The following RBBP5 variants were observed in gnomAD, a reference collection of about 807,000 sequenced individuals.
The protein encoded by RBBP5 is RB binding protein 5, histone lysine methyltransferase complex subunit, also known as retinoblastoma-binding protein 5.
A neutral mutation model predicts 72.2 loss-of-function variants in RBBP5; 5 were observed. That is an observed-to-expected ratio of 0.07 (90% CI 0.04 to 0.15). RBBP5 has a LOEUF of 0.15. Among genes scored for constraint, RBBP5 ranks in the 10% least tolerant of loss-of-function variants. RBBP5 has a pLI of 1.00. For missense variants in RBBP5, 322 were observed against 652.2 expected (o/e 0.49, Z 5.51); for synonymous variants, 209 against 237.2 (o/e 0.88, Z 1.09).
At chr1:205,115,652 A>G in intron 2 of RBBP5, among the ~76,000 whole-genome samples, 1 of 152,250 alleles carries the variant, frequency 6.6e-6, no homozygotes, top group South Asian at 2.1e-4. Flanking sequence ...CTGTAAGATT[A>G]CAACATCATG....
At chr1:205,101,103 C>A (rs1655802892) in intron 6 of RBBP5, among the ~76,000 whole-genome samples, 1 of 152,050 alleles carries the variant, frequency 6.6e-6, no homozygotes, top group African/African-American at 2.4e-5. Context: ...GTTGGGGACC[C>A]CTGCTCTAAG....
rs898354886 is a variant in RBBP5 at position 205,088,776 on chromosome 1, T to G, written c.*11A>C. On this transcript the variant is annotated 3_prime_UTR_variant, in exon 14 of 14. Coordinates refer to ENST00000264515, the MANE Select transcript of RBBP5 (RefSeq NM_005057.4). ...GGCAAAGTGAGAAAGAATGAAGAACTTCGAAGGTCTTCATAACAGTTCTGA... is the reference window on the plus strand; with the variant it reads ...GGCAAAGTGAGAAAGAATGAAGAACGTCGAAGGTCTTCATAACAGTTCTGA... 4 of 1,592,488 alleles carry G rather than the reference T, an allele frequency of 2.5e-6. No individual in the cohort carries two copies. The African/African-American group carries it at 5.4e-5, about 22-fold the overall frequency.
rs182358453 is a variant in RBBP5, at chr1:205,087,296, A to T, written c.*1491T>A. 1 of 151,600 alleles carries T rather than the reference A, an allele frequency of 6.6e-6. No individual in the cohort carries two copies. The highest frequency in any genetic ancestry group is 2.4e-5 in the African/African-American group (1 of 41,328). The allele number at this position is 151,600 out of a possible 1,614,324, so 9.4% of individuals were successfully genotyped here. On this transcript the variant is annotated 3_prime_UTR_variant, in exon 14 of 14. Coordinates refer to ENST00000264515, the MANE Select transcript of RBBP5 (RefSeq NM_005057.4). ...ACTGCAACCTCTGCCTCCCACGTTC[A>T]AGTGATTCTCCTGACTCAGCCTCCA...
chr1:205,099,685 T>G lies in RBBP5; in HGVS notation c.978+56A>C. On this transcript the variant is annotated intron_variant, in intron 9 of 13. Coordinates refer to ENST00000264515, the MANE Select transcript of RBBP5 (RefSeq NM_005057.4). The surrounding 1 kb of genome is among the most constrained non-coding windows in gnomAD (Gnocchi z 4.7). Reference sequence around the variant, plus strand: ...ATTTTTAGCTTCCTATGTATAAGGTTCTTTGATAAAAAGAAGGGGTAACTA... The same window carrying G: ...ATTTTTAGCTTCCTATGTATAAGGTGCTTTGATAAAAAGAAGGGGTAACTA... 1 of 1,492,328 alleles carries G rather than the reference T, an allele frequency of 6.7e-7. No homozygotes were observed. Among genetic ancestry groups the G allele is most frequent in the African/African-American group, 1.4e-5 (1 of 71,060 alleles). The allele number at this position is 1,492,328 out of a possible 1,614,324, so 92.4% of individuals were successfully genotyped here.
chr1:205,115,779 T>C, intron 2 of RBBP5, 79 bp downstream of exon 2: 1 of 1,428,848 alleles, frequency 7.0e-7, no homozygotes. Context: ...AACACAAGGA[T>C]CAAAAAGTAT....
At position 205,101,725 on chromosome 1, in the gene RBBP5, G is replaced by C; in HGVS notation, c.523-16C>G. 1 of 1,565,864 alleles carries C rather than the reference G, an allele frequency of 6.4e-7. No homozygotes were observed. The highest frequency in any genetic ancestry group is 1.7e-5 in the Admixed American group (1 of 57,840). On this transcript the variant is annotated splice_polypyrimidine_tract_variant and intron_variant, in intron 5 of 13. Transcript: ENST00000264515. ...GGACCAAAATCTAAAGTTTAAAGGA[G>C]GGGGGAAAAAAGTAAGTGTTCCAAT...
In RBBP5 at chr1:205,086,830, T is replaced by C. The variant is rs1198347921; in HGVS notation, c.*1957A>G. The stretch of plus-strand genomic sequence containing the variant: ...CCAAGCTACTTCACACGTGGAAAGA[T>C]GGCAGAAACCCTCTAAGTCCCATAG... On this transcript the variant is annotated 3_prime_UTR_variant, in exon 14 of 14. Transcript: ENST00000264515. 6.6e-6 allele frequency: 1 copy of C among 152,188 alleles called. No homozygotes were observed. The highest frequency in any genetic ancestry group is 2.4e-5 in the African/African-American group (1 of 41,424). The allele number at this position is 152,188 out of a possible 1,614,324, so 9.4% of individuals were successfully genotyped here.
intron 1 of RBBP5, 119 bp from the exon 2 acceptor site, chr1:205,116,002 A>G: frequency 5.0e-6 from 8 of 1,602,602 alleles, no homozygotes; most frequent in Non-Finnish European, 6.8e-6. Context: ...ATGCCCTTTC[A>G]GGCATTCCAT....
At chr1:205,107,645 G>C (rs1656125584) in intron 3 of RBBP5, among the ~76,000 whole-genome samples, 1 of 152,144 alleles carries the variant, frequency 6.6e-6, no homozygotes, top group East Asian at 1.9e-4. Context: ...TATATGGGTA[G>C]ATAAAATTAC....
chr1:205,089,154 AGAG>A (rs1195408675), intron 13 of RBBP5, among the ~76,000 whole-genome samples: 2 of 152,192 alleles, frequency 1.3e-5, no homozygotes, highest in East Asian at 1.9e-4. Flanking sequence ...TGCAATGAGG[AGAG>A]GAGAAGAAAT....
At chr1:205,105,745 G>A (rs1291525875) in intron 3 of RBBP5, among the ~76,000 whole-genome samples, 1 of 152,218 alleles carries the variant, frequency 6.6e-6, no homozygotes, top group African/African-American at 2.4e-5. Flanking sequence ...TCTGCCTCAT[G>A]TTCCCCGTTC....
Position 205,103,866 on chromosome 1 carries a change from T to G in RBBP5, c.513A>C (p.Ala171=), listed in dbSNP as rs1655945128. ...RRGEYIYTGN[A]KGKILVLKTD... The stretch of plus-strand genomic sequence containing the variant: ...CAGCTTTTAGGCTTACCTTGCCTTT[T>G]GCGTTTCCCGTATAAATATATTCCC... Residue 171 remains alanine (A), a synonymous_variant, in exon 5 of 14, where the codon GCA becomes GCC. Coordinates refer to ENST00000264515, the MANE Select transcript of RBBP5 (RefSeq NM_005057.4). 1 of 1,611,088 alleles carries G rather than the reference T, an allele frequency of 6.2e-7. No homozygotes were observed. Among genetic ancestry groups the G allele is most frequent in the Non-Finnish European group, 8.5e-7 (1 of 1,177,324 alleles).
At chr1:205,116,201 C>G (rs1656512990) in intron 1 of RBBP5, 3 of 437,350 alleles carry the variant, frequency 6.9e-6, no homozygotes, top group African/African-American at 4.0e-5. Context: ...AAAAATGTCA[C>G]AACAGTGGCA....
At chr1:205,103,095 G>T (rs1259389068) in intron 5 of RBBP5, among the ~76,000 whole-genome samples, 3 of 151,004 alleles carry the variant, frequency 2.0e-5, no homozygotes, top group African/African-American at 7.3e-5. Flanking sequence ...ATCACTTGAG[G>T]TCAGGAGTAA....
At chr1:205,104,887 A>T in intron 4 of RBBP5, 141 bp downstream of exon 4, 1 of 970,112 alleles carries the variant, frequency 1.0e-6, no homozygotes, top group Non-Finnish European at 1.5e-6. Context: ...GAGCCAACCT[A>T]GATGGAAAGA....
At chr1:205,093,892 GAGCCTGAATACA>G (rs1212728337) in intron 13 of RBBP5, among the ~76,000 whole-genome samples, 1 of 151,978 alleles carries the variant, frequency 6.6e-6, no homozygotes, top group African/African-American at 2.4e-5. Flanking sequence ...AAAGTCGGGG[GAGCCTGAATACA>G]ACCATTGATA....
intron 6 of RBBP5, among the ~76,000 whole-genome samples, chr1:205,101,199 G>A (rs141345654): frequency 8.5e-5 from 13 of 152,186 alleles, no homozygotes; most frequent in African/African-American, 2.2e-4. Flanking sequence ...TATATTCTAC[G>A]ACTTCTAACT....
intron 6 of RBBP5, among the ~76,000 whole-genome samples, chr1:205,101,165 C>T (rs536522660): frequency 2.6e-4 from 39 of 152,174 alleles, no homozygotes; most frequent in Non-Finnish European, 4.3e-4. Context: ...CTCTTACTGA[C>T]AACGTATTTC....
rs1655458618 is a variant in RBBP5, at chr1:205,093,480, ATATATATATATATATATATATATAT to A, written c.1588+1368_1588+1392del. On this transcript the variant is annotated intron_variant, in intron 13 of 13. Coordinates refer to ENST00000264515, the MANE Select transcript of RBBP5 (RefSeq NM_005057.4). ...TTTCAAAAAAAAAAAAAAAAAAAAA[ATATATATATATATATATATATATAT>A]ATATATATATATATATATATATATA... Among the ~76,000 whole-genome samples the A allele has an allele frequency of 1.7e-3, 13 of 7,772 alleles. 1 individual carries two copies. Among genetic ancestry groups the A allele is most frequent in the East Asian group, 0.011 (2 of 186 alleles). The allele number at this position is 7,772 out of a possible 152,430, so 5.1% of individuals were successfully genotyped here.
Sources: allele counts gnomAD v4.1 joint callset (sites outside exome capture counted in the v4.1 genomes callset), GRCh38; gene constraint gnomAD v4.1.1; non-coding constraint Gnocchi (gnomAD v3.1); transcripts MANE v1.5; gene names NCBI Gene and HGNC (gene_info 2026-07-23, HGNC 2026-07-21).